RPL28: variants seen among roughly 807,000 people sequenced by gnomAD.
RPL28 encodes the protein large ribosomal subunit protein eL28.
In RPL28, 4 loss-of-function variants were observed where a neutral mutation model predicts 12.5. The observed-to-expected ratio is 0.32, with a 90% CI of 0.16 to 0.73. The LOEUF (loss-of-function observed/expected upper bound fraction) is 0.73, where lower values mean the gene tolerates loss of function less well. Ranked by LOEUF, RPL28 falls within the 30% of genes least tolerant of loss-of-function variation. The probability of loss-of-function intolerance (pLI) is 0.66; values close to 1 mark genes in which losing one functional copy is unlikely to be tolerated. For missense variants in RPL28, 214 were observed against 197.7 expected (o/e 1.08, Z -0.49); for synonymous variants, 91 against 72.5 (o/e 1.26, Z -1.30).
In RPL28 at chr19:55,389,523, A is replaced by C. The variant is rs1252834370; in HGVS notation, c.*1191A>C. On this transcript the variant is annotated 3_prime_UTR_variant, in exon 5 of 5. Transcript: ENST00000344063. ...AGAAGGACTCTGCTCCCTGTCTGAGACCACCCCCGGCTCTGACTGAGAGTA... is the reference window on the plus strand; with the variant it reads ...AGAAGGACTCTGCTCCCTGTCTGAGCCCACCCCCGGCTCTGACTGAGAGTA... 6.1e-6 allele frequency: 6 copies of C among 985,318 alleles called. No homozygotes were observed. The highest frequency in any genetic ancestry group is 7.2e-6 in the Non-Finnish European group (6 of 829,922). The allele number at this position is 985,318 out of a possible 1,614,324, so 61.0% of individuals were successfully genotyped here.
chr19:55,400,596 G>A (rs1004958700), intron 4 of RPL28: 12 of 152,238 alleles, frequency 7.9e-5, no homozygotes, highest in African/African-American at 2.9e-4. Flanking sequence ...TTGGAGCTAA[G>A]ACCCTAGTTC....
chr19:55,387,393 G>T (rs1306987564), intron 3 of RPL28: 1 of 1,550,412 alleles, frequency 6.4e-7, no homozygotes, highest in Admixed American at 2.0e-5. Context: ...CCTGTCTCAG[G>T]GACACGTAGT....
In RPL28 at chr19:55,390,224, A is replaced by T. The variant is rs992289489; in HGVS notation, c.*1892A>T. ...TTTGCTCACTGGAGACTTTCTGGAG[A>T]TGGAGTCTCGCTCTGTTGCCCAGGC... is the stretch of plus-strand genomic sequence containing the variant. On this transcript the variant is annotated 3_prime_UTR_variant, in exon 5 of 5. Coordinates refer to ENST00000344063, the MANE Select transcript of RPL28 (RefSeq NM_000991.5). The T allele has an allele frequency of 2.0e-5, 20 of 984,374 alleles. No individual in the cohort carries two copies. The highest frequency in any genetic ancestry group is 3.5e-5 in the African/African-American group (2 of 57,194). 61.0% of individuals were successfully genotyped at this position (984,374 alleles called of 1,614,324 possible).
chr19:55,394,598 ATC>A (rs1217362454), downstream of RPL28, among the ~76,000 whole-genome samples: 1 of 150,632 alleles, frequency 6.6e-6, no homozygotes, highest in Non-Finnish European at 1.5e-5. Flanking sequence ...TTTAAAAAGA[ATC>A]TCACTCTGTT....
Position 55,390,056 on chromosome 19 carries a change from T to C in RPL28, c.*1724T>C. 1 of 985,554 alleles carries C rather than the reference T, an allele frequency of 1.0e-6. No homozygotes were observed. The highest frequency in any genetic ancestry group is 1.2e-6 in the Non-Finnish European group (1 of 829,992). The allele number at this position is 985,554 out of a possible 1,614,324, so 61.1% of individuals were successfully genotyped here. A position where few individuals can be genotyped will look rare whatever the true frequency, so the allele number is the denominator to read the frequency against. Reference sequence around the variant, plus strand: ...TTCAGTTGTCCTCCACAGCACTGATTTGCAGCCCACAAGCTGGCAGGTTTA... The same window carrying C: ...TTCAGTTGTCCTCCACAGCACTGATCTGCAGCCCACAAGCTGGCAGGTTTA... On this transcript the variant is annotated 3_prime_UTR_variant, in exon 5 of 5. Coordinates refer to ENST00000344063, the MANE Select transcript of RPL28 (RefSeq NM_000991.5).
intron 4 of RPL28, chr19:55,402,923 T>C (rs774232682): frequency 6.6e-7 from 1 of 1,525,334 alleles, no homozygotes; most frequent in South Asian, 1.2e-5. Flanking sequence ...AGAAATTTGG[T>C]TAACTTTTTT....
In RPL28 at chr19:55,398,012, AT is replaced by A. The variant is rs760980074; in HGVS notation, c.325-4930del. On this transcript the variant is annotated intron_variant, in intron 4 of 4. Coordinates refer to the RPL28 transcript ENST00000560055. ...GGAGTTCAAGACCAGCCTGGCCAAC[AT>A]GGTGAAACCCTGTCTCTACTAAAAA... 3.3e-5 allele frequency among the ~76,000 whole-genome samples: 5 copies of A among 152,024 alleles called. No individual in the cohort carries two copies. The East Asian group carries it at 9.7e-4, about 29-fold the overall frequency.
chr19:55,402,503 G>A (rs1436774421), intron 4 of RPL28, among the ~76,000 whole-genome samples: 1 of 152,214 alleles, frequency 6.6e-6, no homozygotes, highest in Non-Finnish European at 1.5e-5. Context: ...AGCCCCAGCT[G>A]GATCCTCTGA....
chr19:55,388,856 C>G lies in RPL28; in HGVS notation c.*524C>G. ...AGGGGATGGGCTTTACTTGATGCAACCTCATCTCTGAGATGGGCAACTTGG... is the reference window on the plus strand; with the variant it reads ...AGGGGATGGGCTTTACTTGATGCAAGCTCATCTCTGAGATGGGCAACTTGG... On this transcript the variant is annotated 3_prime_UTR_variant, in exon 5 of 5. Coordinates refer to ENST00000344063, the MANE Select transcript of RPL28 (RefSeq NM_000991.5). The G allele has an allele frequency of 1.0e-6, 1 of 986,406 alleles. No homozygotes were observed. The highest frequency in any genetic ancestry group is 1.2e-6 in the Non-Finnish European group (1 of 830,646). 61.1% of individuals were successfully genotyped at this position (986,406 alleles called of 1,614,324 possible). A position where few individuals can be genotyped will look rare whatever the true frequency, so the allele number is the denominator to read the frequency against.
chr19:55,386,799 C>T (rs1365216016), intron 3 of RPL28, 106 bp downstream of exon 3: 3 of 1,607,166 alleles, frequency 1.9e-6, no homozygotes, highest in Non-Finnish European at 2.5e-6. Flanking sequence ...TCGCGGCGGG[C>T]ATCCCTGGCG....
In RPL28 at chr19:55,388,034, C is replaced by T; in HGVS notation, c.310C>T (p.Pro104Ser). 3 of 1,613,866 alleles carry T rather than the reference C, an allele frequency of 1.9e-6. No individual in the cohort carries two copies. The highest frequency in any genetic ancestry group is 1.7e-6 in the Non-Finnish European group (2 of 1,179,902). ...CATGATCCGCAAGAACAAGTACCGC[C>T]CCGACCTGCGCATGGTGAGCTGGGG... is the stretch of plus-strand genomic sequence containing the variant. ...RHMIRKNKYR[P>S]DLRMAAIRRA... Residue 104 changes from proline to serine, a missense_variant, in exon 4 of 5, where the codon CCC becomes TCC. Pro to Ser is a moderately conservative substitution (Grantham distance 74). Coordinates refer to ENST00000344063, the MANE Select transcript of RPL28 (RefSeq NM_000991.5).
At position 55,389,771 on chromosome 19, in the gene RPL28, G is replaced by GT. The variant is rs2089972339; in HGVS notation, c.*1440dup. 5.1e-6 allele frequency: 5 copies of GT among 985,424 alleles called. No homozygotes were observed. In the African/African-American group the frequency reaches 7.0e-5, roughly 14 times the overall value. 61.0% of individuals were successfully genotyped at this position (985,424 alleles called of 1,614,324 possible). On this transcript the variant is annotated 3_prime_UTR_variant, in exon 5 of 5. Coordinates refer to ENST00000344063, the MANE Select transcript of RPL28 (RefSeq NM_000991.5). The stretch of plus-strand genomic sequence containing the variant: ...TGGGTCTATTAGCTCAGATTGAGAG[G>GT]TGTTGCCTTAAAACTGAGTTGGGTG...
intron 4 of RPL28, chr19:55,401,841 G>T: frequency 6.8e-7 from 1 of 1,475,946 alleles, no homozygotes; most frequent in Non-Finnish European, 9.4e-7. Context: ...GGTGGCCTCC[G>T]CACTGGCTGT....
At chr19:55,386,763 T>A in intron 3 of RPL28, 70 bp downstream of exon 3, 3 of 1,612,042 alleles carry the variant, frequency 1.9e-6, no homozygotes, top group Non-Finnish European at 2.5e-6. Context: ...TTTTTTACTG[T>A]CAGGCAGGAA....
At chr19:55,401,684 A>G in intron 4 of RPL28, 2 of 1,612,922 alleles carry the variant, frequency 1.2e-6, no homozygotes, top group African/African-American at 1.3e-5. Flanking sequence ...TACTCCTCGT[A>G]GTTCTCCAAG....
intron 4 of RPL28, among the ~76,000 whole-genome samples, chr19:55,398,467 A>G (rs539115648): frequency 9.2e-5 from 14 of 152,336 alleles, no homozygotes; most frequent in East Asian, 7.7e-4. Context: ...CACCTTGCCA[A>G]CACTTGGTAT....
downstream of RPL28, among the ~76,000 whole-genome samples, chr19:55,396,394 A>C (rs1422521319): frequency 1.3e-5 from 2 of 151,198 alleles, no homozygotes; most frequent in Non-Finnish European, 2.9e-5. Context: ...AGGTCAGGAA[A>C]TGGAAGACTA....
In RPL28 at chr19:55,397,164, G is replaced by A. The variant is rs193062678; in HGVS notation, c.325-5779G>A. Among the ~76,000 whole-genome samples, 703 of 152,324 alleles carry A rather than the reference G, an allele frequency of 4.6e-3. 1 individual carries two copies. Among genetic ancestry groups the A allele is most frequent in the Non-Finnish European group, 7.6e-3 (519 of 68,028 alleles). ...CAAAGTGTTAGGATTACAGGCGTGAGCCACTACACCCGGCCTCCTTGTTTT... is the reference window on the plus strand; with the variant it reads ...CAAAGTGTTAGGATTACAGGCGTGAACCACTACACCCGGCCTCCTTGTTTT... On this transcript the variant is annotated intron_variant, in intron 4 of 4. Transcript: ENST00000560055.
exon 5 of RPL28, chr19:55,402,993 G>A: frequency 6.5e-7 from 1 of 1,534,824 alleles, no homozygotes; most frequent in Non-Finnish European, 8.7e-7. Flanking sequence ...TGGAGCACCA[G>A]CCTAGACCAG....
Sources: gnomAD v4.1 joint callset for allele counts (sites outside exome capture counted in the v4.1 genomes callset) on GRCh38, gnomAD v4.1.1 for gene constraint, MANE v1.5 for transcripts, NCBI Gene and HGNC (gene_info 2026-07-23, HGNC 2026-07-21) for gene names.